The following COG5 variants were observed in gnomAD, a reference collection of about 807,000 sequenced individuals.
The protein encoded by COG5 is component of oligomeric golgi complex 5.
In COG5, 86 loss-of-function variants were observed where a neutral mutation model predicts 110.4. That is an observed-to-expected ratio of 0.78 (90% CI 0.65 to 0.93). The LOEUF (loss-of-function observed/expected upper bound fraction) is 0.93, where lower values mean the gene tolerates loss of function less well. Among genes scored for constraint, COG5 ranks in the 40% least tolerant of loss-of-function variants. COG5 has a pLI of 0.00. For synonymous variants in COG5, 360 were observed against 334.6 expected, an observed-to-expected ratio of 1.08 and a Z score of -0.83; for missense variants, 1,077 against 987.0, an observed-to-expected ratio of 1.09 and a Z score of -1.22.
At chr7:107,481,311 C>T (rs1036998546) in intron 6 of COG5, among the ~76,000 whole-genome samples, 5 of 152,094 alleles carry the variant, frequency 3.3e-5, no homozygotes, top group Non-Finnish European at 7.4e-5. Context: ...GGGGAAACTG[C>T]TTTTCCCTCA....
At chr7:107,325,457 C>A (rs570115051) in intron 10 of COG5, among the ~76,000 whole-genome samples, 7 of 152,270 alleles carry the variant, frequency 4.6e-5, no homozygotes, top group African/African-American at 1.4e-4. Context: ...TTGAGACCAG[C>A]CTTGCCAACA....
At chr7:107,301,192 T>A (rs1807236453) in intron 11 of COG5, among the ~76,000 whole-genome samples, 3 of 152,306 alleles carry the variant, frequency 2.0e-5, no homozygotes, top group South Asian at 4.1e-4. Context: ...GAGGGAACTT[T>A]TCTGTCCTTG....
At chr7:107,258,216 A>C in intron 15 of COG5, 57 bp downstream of exon 15, 1 of 1,043,504 alleles carries the variant, frequency 9.6e-7, no homozygotes, top group Non-Finnish European at 1.5e-6. Context: ...AAACTGTCCA[A>C]ATTTGAGGCA....
intron 17 of COG5, among the ~76,000 whole-genome samples, chr7:107,241,335 T>C (rs1025032785): frequency 2.0e-5 from 3 of 151,666 alleles, no homozygotes; most frequent in Non-Finnish European, 2.9e-5. Context: ...TCCTATGTTA[T>C]ATTGAGTTCC....
In COG5 at chr7:107,203,573, T is replaced by G. The variant is rs775853693; in HGVS notation, c.2433A>C (p.Ala811=). ...SVRSREGKEF[A]PVYPIMVQLL... ...GCTGAACCATTATGGGATAAACTGG[T>G]GCAAATTCTTTGCCTTCTCTACTTC... The change falls in exon 22 of 22, where the codon GCA becomes GCC. Residue 811 remains alanine (A), a synonymous_variant. Coordinates refer to ENST00000297135, the MANE Select transcript of COG5 (RefSeq NM_006348.5). 2.2e-5 allele frequency: 35 copies of G among 1,614,046 alleles called. No homozygotes were observed. Among genetic ancestry groups the G allele is most frequent in the South Asian group, 3.3e-5 (3 of 91,094 alleles).
At chr7:107,504,173 C>G (rs537862297) in intron 6 of COG5, among the ~76,000 whole-genome samples, 3 of 152,236 alleles carry the variant, frequency 2.0e-5, no homozygotes, top group African/African-American at 7.2e-5. Flanking sequence ...GAAATCCCTT[C>G]TATGCCTAGT....
intron 6 of COG5, among the ~76,000 whole-genome samples, chr7:107,420,313 C>T (rs1031848698): frequency 2.0e-5 from 3 of 152,030 alleles, no homozygotes; most frequent in Middle Eastern, 3.4e-3. Flanking sequence ...GTTTTGTAGA[C>T]CATAAACAAC....
chr7:107,512,849 G>A (rs1349494821), intron 6 of COG5, among the ~76,000 whole-genome samples: 1 of 151,054 alleles, frequency 6.6e-6, no homozygotes, highest in African/African-American at 2.4e-5. Flanking sequence ...GCCATATGTA[G>A]AAAGCTGAAA....
At chr7:107,403,037 C>T (rs1791552822) in intron 7 of COG5, among the ~76,000 whole-genome samples, 1 of 151,930 alleles carries the variant, frequency 6.6e-6, no homozygotes, top group South Asian at 2.1e-4. Flanking sequence ...TATAATACTA[C>T]AAAGCTATTT....
intron 21 of COG5, chr7:107,208,686 G>A (rs1208424642): frequency 2.0e-6 from 2 of 985,298 alleles, no homozygotes; most frequent in East Asian, 2.3e-4. Context: ...CCATTTCTGT[G>A]TCAGATGTTC....
chr7:107,295,066 C>CATATATATAT (rs1186377118), intron 12 of COG5, among the ~76,000 whole-genome samples: 3 of 45,820 alleles, frequency 6.5e-5, no homozygotes, highest in Non-Finnish European at 1.1e-4. Context: ...CACACACACA[C>CATATATATAT]ATATATATAT....
intron 15 of COG5, 58 bp from the exon 16 acceptor site, chr7:107,256,852 A>G: frequency 8.4e-7 from 1 of 1,184,834 alleles, no homozygotes; most frequent in Admixed American, 1.7e-5. Flanking sequence ...TGTAAATACT[A>G]ATTTTGATCA....
chr7:107,283,948 G>C (rs1175485880), intron 12 of COG5, among the ~76,000 whole-genome samples: 1 of 106,434 alleles, frequency 9.4e-6, no homozygotes. Context: ...TTTTTGAGAC[G>C]TAGTCTCACT....
At chr7:107,345,624 T>C (rs1223850694) in intron 10 of COG5, among the ~76,000 whole-genome samples, 2 of 152,122 alleles carry the variant, frequency 1.3e-5, no homozygotes, top group Non-Finnish European at 2.9e-5. Flanking sequence ...ATGAAAAAGA[T>C]CTAGAGATCT....
At chr7:107,208,662 G>A (rs62483626) in intron 21 of COG5, 14 of 985,346 alleles carry the variant, frequency 1.4e-5, no homozygotes, top group African/African-American at 1.7e-5. Context: ...ATTCACCGGG[G>A]CTGGTAACCT....
At chr7:107,293,112 AATTGC>A (rs1806311023) in intron 12 of COG5, among the ~76,000 whole-genome samples, 1 of 152,162 alleles carries the variant, frequency 6.6e-6, no homozygotes, top group Admixed American at 6.5e-5. Context: ...GGTGGAAGGC[AATTGC>A]ATGAGGTCCT....
chr7:107,445,876 C>A (rs757788457), intron 6 of COG5, among the ~76,000 whole-genome samples: 2 of 152,162 alleles, frequency 1.3e-5, no homozygotes, highest in Admixed American at 6.5e-5. Context: ...GACACTTATA[C>A]CTACGGACTT....
At chr7:107,219,546 C>G (rs190229193) in intron 19 of COG5, among the ~76,000 whole-genome samples, 11 of 152,238 alleles carry the variant, frequency 7.2e-5, no homozygotes, top group Non-Finnish European at 4.4e-5. Flanking sequence ...ACGGATGAGC[C>G]TGGAGGACAT....
chr7:107,287,631 C>T (rs369819223), intron 12 of COG5, among the ~76,000 whole-genome samples: 3 of 152,162 alleles, frequency 2.0e-5, no homozygotes, highest in Non-Finnish European at 2.9e-5. Context: ...TTAACTACAA[C>T]ACTCCACCTT....
Sources: gnomAD v4.1 joint callset for allele counts (sites outside exome capture counted in the v4.1 genomes callset) on GRCh38, gnomAD v4.1.1 for gene constraint, MANE v1.5 for transcripts, NCBI Gene and HGNC (gene_info 2026-07-23, HGNC 2026-07-21) for gene names.